GPC5: variants seen among roughly 807,000 people sequenced by gnomAD.
GPC5 encodes glypican 5.
A neutral mutation model predicts 53.9 loss-of-function variants in GPC5; 47 were observed. The ratio of observed to expected loss-of-function variants is 0.87; its 90% confidence interval spans 0.69 to 1.11. The LOEUF is 1.11. Ranked by LOEUF, GPC5 falls within the 50% of genes most tolerant of loss-of-function variation. The pLI, the probability that GPC5 is intolerant of heterozygous loss-of-function variation, is 0.00. For synonymous variants in GPC5, 286 were observed against 263.3 expected (o/e 1.09, Z -0.84); for missense variants, 748 against 713.1 (o/e 1.05, Z -0.56).
chr13:92,590,853 T>A (rs1883690439), intron 7 of GPC5, among the ~76,000 whole-genome samples: 2 of 152,212 alleles, frequency 1.3e-5, no homozygotes, highest in Admixed American at 6.5e-5. Flanking sequence ...CCTATCCAGA[T>A]AGCTATGAGC....
chr13:91,595,011 T>G (rs1594305727), intron 2 of GPC5, among the ~76,000 whole-genome samples: 1 of 148,008 alleles, frequency 6.8e-6, no homozygotes, highest in African/African-American at 2.5e-5. Context: ...TATTTATTTA[T>G]TTATTTATTT....
chr13:91,566,593 T>TCAGAAATCTGATTG (rs2031541967), intron 2 of GPC5, among the ~76,000 whole-genome samples: 1 of 151,962 alleles, frequency 6.6e-6, no homozygotes, highest in Admixed American at 6.6e-5. Flanking sequence ...TCTGAACTAT[T>TCAGAAATCTGATTG]TCCCAGATAT....
At chr13:92,176,921 T>C (rs1339844803) in intron 7 of GPC5, among the ~76,000 whole-genome samples, 1 of 152,210 alleles carries the variant, frequency 6.6e-6, no homozygotes, top group Non-Finnish European at 1.5e-5. Flanking sequence ...CTACCAATGA[T>C]ATAACAGGCA....
At chr13:92,827,352 C>T (rs538285776) in intron 7 of GPC5, among the ~76,000 whole-genome samples, 2 of 152,260 alleles carry the variant, frequency 1.3e-5, no homozygotes, top group South Asian at 2.1e-4. Context: ...ATCCTGATGA[C>T]ATAGACTCAG....
At chr13:91,461,446 A>G (rs569682875) in intron 2 of GPC5, among the ~76,000 whole-genome samples, 280 of 152,190 alleles carry the variant, frequency 1.8e-3, no homozygotes, top group African/African-American at 6.4e-3. Flanking sequence ...AAGACTTGCC[A>G]TCTGGGCCTC....
chr13:91,636,990 A>G (rs2034301871), intron 2 of GPC5, among the ~76,000 whole-genome samples: 1 of 152,088 alleles, frequency 6.6e-6, no homozygotes. Context: ...AACAATCAAG[A>G]TTTCTTCTTT....
In GPC5 at chr13:92,097,519, A is replaced by G. The variant is rs1001212446; in HGVS notation, c.1402-47311A>G. 5.9e-5 allele frequency among the ~76,000 whole-genome samples: 9 copies of G among 152,234 alleles called. No individual in the cohort carries two copies. In the South Asian group the frequency reaches 1.9e-3, roughly 31 times the overall value. ...TTCTGTTACACAGAAGCCTATATGA[A>G]GGGATTAAGTGTGTTACTCATAGAC... is the stretch of plus-strand genomic sequence containing the variant. On this transcript the variant is annotated intron_variant, in intron 6 of 7. Coordinates refer to ENST00000377067, the MANE Select transcript of GPC5 (RefSeq NM_004466.6).
At chr13:92,743,466 C>T (rs1341838555) in intron 7 of GPC5, among the ~76,000 whole-genome samples, 3 of 152,126 alleles carry the variant, frequency 2.0e-5, no homozygotes, top group Non-Finnish European at 4.4e-5. Context: ...AGTTGCCTAG[C>T]AGCTTAAGGA....
At chr13:92,560,563 A>G (rs1392160476) in intron 7 of GPC5, among the ~76,000 whole-genome samples, 1 of 152,032 alleles carries the variant, frequency 6.6e-6, no homozygotes, top group Non-Finnish European at 1.5e-5. Context: ...GAACAAGTCT[A>G]GAACATAATG....
chr13:92,181,696 C>T (rs2042148337), intron 7 of GPC5, among the ~76,000 whole-genome samples: 1 of 152,124 alleles, frequency 6.6e-6, no homozygotes, highest in Non-Finnish European at 1.5e-5. Flanking sequence ...GAAATGAGAG[C>T]TCAGATTTCC....
intron 7 of GPC5, among the ~76,000 whole-genome samples, chr13:92,558,755 A>G (rs903938036): frequency 1.3e-5 from 2 of 152,014 alleles, no homozygotes; most frequent in African/African-American, 4.8e-5. Context: ...CTAGAACAAC[A>G]TTACTATTTA....
intron 7 of GPC5, among the ~76,000 whole-genome samples, chr13:92,755,993 A>G (rs1331310893): frequency 1.3e-5 from 2 of 151,994 alleles, no homozygotes; most frequent in African/African-American, 2.4e-5. Context: ...GGCCAGCATC[A>G]TTCTGATACC....
At chr13:92,057,050 C>T (rs923774626) in intron 6 of GPC5, among the ~76,000 whole-genome samples, 1 of 152,102 alleles carries the variant, frequency 6.6e-6, no homozygotes, top group Admixed American at 6.5e-5. Context: ...GGTCCATTGC[C>T]CCTTCCCTGG....
intron 5 of GPC5, among the ~76,000 whole-genome samples, chr13:91,756,989 G>C (rs906224960): frequency 3.9e-5 from 6 of 151,932 alleles, no homozygotes; most frequent in African/African-American, 1.5e-4. Flanking sequence ...ATTGTTCATT[G>C]ATATGTTGTC....
At chr13:92,456,057 G>A (rs1878253674) in intron 7 of GPC5, among the ~76,000 whole-genome samples, 1 of 152,138 alleles carries the variant, frequency 6.6e-6, no homozygotes, top group Admixed American at 6.6e-5. Context: ...TATTTTAATT[G>A]CTTTAAAAAG....
At chr13:92,202,528 C>A (rs1364113904) in intron 7 of GPC5, among the ~76,000 whole-genome samples, 3 of 152,104 alleles carry the variant, frequency 2.0e-5, no homozygotes, top group African/African-American at 7.2e-5. Flanking sequence ...AACGTTGTAA[C>A]TAGAACAAAC....
chr13:91,531,769 A>C (rs1886355727), intron 2 of GPC5, among the ~76,000 whole-genome samples: 1 of 152,200 alleles, frequency 6.6e-6, no homozygotes, highest in African/African-American at 2.4e-5. Flanking sequence ...TAAAGCTTTA[A>C]AGGGTAAATA....
At chr13:91,654,320 A>G (rs998848036) in intron 2 of GPC5, among the ~76,000 whole-genome samples, 3 of 152,192 alleles carry the variant, frequency 2.0e-5, no homozygotes, top group Non-Finnish European at 4.4e-5. Context: ...GAAGACACTC[A>G]TTACATTGAC....
intron 7 of GPC5, among the ~76,000 whole-genome samples, chr13:92,246,031 TA>T (rs970987794): frequency 1.3e-5 from 2 of 151,268 alleles, no homozygotes; most frequent in East Asian, 3.9e-4. Context: ...AATTCATCAT[TA>T]AAAAAATCAT....
Sources: allele counts gnomAD v4.1 joint callset (sites outside exome capture counted in the v4.1 genomes callset), GRCh38; gene constraint gnomAD v4.1.1; transcripts MANE v1.5; gene names NCBI Gene and HGNC (gene_info 2026-07-23, HGNC 2026-07-21).